The following KPNA6 variants were observed in gnomAD, a reference collection of about 807,000 sequenced individuals.
The protein encoded by KPNA6 is importin subunit alpha-7.
A neutral mutation model predicts 72.0 loss-of-function variants in KPNA6; 9 were observed. That is an observed-to-expected ratio of 0.13 (90% confidence interval 0.08 to 0.22). The LOEUF (loss-of-function observed/expected upper bound fraction) is 0.22. KPNA6 is among the 10% of genes least tolerant of loss of function. KPNA6 has a pLI of 1.00. For synonymous variants in KPNA6, 219 were observed against 242.1 expected, an observed-to-expected ratio of 0.90 and a Z score of 0.89; for missense variants, 374 against 655.7, an observed-to-expected ratio of 0.57 and a Z score of 4.69.
chr1:32,132,234 G>C (rs1474279374), intron 1 of KPNA6, among the ~76,000 whole-genome samples: 1 of 152,124 alleles, frequency 6.6e-6, no homozygotes, highest in Non-Finnish European at 1.5e-5. Flanking sequence ...GCTCCCCAAA[G>C]TGCGGGGATT....
chr1:32,161,549 T>C (rs1246475944), intron 7 of KPNA6, among the ~76,000 whole-genome samples: 1 of 152,226 alleles, frequency 6.6e-6, no homozygotes, highest in Non-Finnish European at 1.5e-5. Context: ...TATTCCATAC[T>C]GTGTGGCTAA....
In KPNA6 at chr1:32,156,977, TG is replaced by T. The variant is rs777186901; in HGVS notation, c.231+34del. The T allele has an allele frequency of 4.7e-6, 7 of 1,498,882 alleles. No individual in the cohort carries two copies. The South Asian group carries it at 8.1e-5, about 17-fold the overall frequency. The allele number at this position is 1,498,882 out of a possible 1,614,324, so 92.8% of individuals were successfully genotyped here. On this transcript the variant is annotated intron_variant, in intron 3 of 13. Coordinates refer to ENST00000373625, the MANE Select transcript of KPNA6 (RefSeq NM_012316.5). ...CCCCTGCATGTGCCTCAGGCTGACCTGGAAAACACCTGCTTCTAAGGACAGA... is the reference window on the plus strand; with the variant it reads ...CCCCTGCATGTGCCTCAGGCTGACCTGAAAACACCTGCTTCTAAGGACAGA...
At chr1:32,118,003 A>C (rs1284492299) in intron 1 of KPNA6, among the ~76,000 whole-genome samples, 1 of 151,280 alleles carries the variant, frequency 6.6e-6, no homozygotes, top group African/African-American at 2.4e-5. Context: ...CGCTCACCGC[A>C]ACCTCTGCCT....
At chr1:32,133,394 A>G (rs1322178466) in intron 1 of KPNA6, among the ~76,000 whole-genome samples, 1 of 151,760 alleles carries the variant, frequency 6.6e-6, no homozygotes, top group African/African-American at 2.4e-5. Context: ...CAAAGTGCTG[A>G]AAGAGGCCAG....
chr1:32,142,255 C>CAAAAA (rs763008502), intron 1 of KPNA6, among the ~76,000 whole-genome samples: 19 of 55,306 alleles, frequency 3.4e-4, no homozygotes, highest in African/African-American at 1.4e-3. Flanking sequence ...GACCCTGTCT[C>CAAAAA]AAAAAAAAAA....
At chr1:32,151,282 C>A (rs967002748) in intron 1 of KPNA6, among the ~76,000 whole-genome samples, 1 of 152,208 alleles carries the variant, frequency 6.6e-6, no homozygotes, top group South Asian at 2.1e-4. Context: ...TAAGCCATAG[C>A]CCTTCTTAGG....
intron 10 of KPNA6, 68 bp from the exon 11 acceptor site, chr1:32,166,030 CAACAACA>C (rs1570073188): frequency 6.8e-7 from 1 of 1,466,056 alleles, no homozygotes; most frequent in East Asian, 2.5e-5. Flanking sequence ...ACAACAACAA[CAACAACA>C]AAAAAACATA....
rs537988928 is a variant in KPNA6, at chr1:32,118,465, GTTAC to G, written c.4+10337_4+10340del. 1.2e-3 allele frequency among the ~76,000 whole-genome samples: 185 copies of G among 151,474 alleles called. 10 individuals are homozygous for G. In the South Asian group the frequency reaches 0.037, roughly 30 times the overall value. On this transcript the variant is annotated intron_variant, in intron 1 of 13. Transcript: ENST00000373625. ...TTCCATGTTATTAGTTTTTTGACCA[GTTAC>G]TTACTCTACATAGCCTCATTTTCTT...
chr1:32,166,021 C>T, intron 10 of KPNA6, 84 bp from the exon 11 acceptor site: 12 of 1,399,860 alleles, frequency 8.6e-6, no homozygotes, highest in Non-Finnish European at 1.1e-5. Flanking sequence ...AAAACAACAA[C>T]AACAACAACA....
In KPNA6 at chr1:32,162,507, A is replaced by T; in HGVS notation, c.894A>T (p.Arg298Ser). 1 of 1,613,814 alleles carries T rather than the reference A, an allele frequency of 6.2e-7. No homozygotes were observed. Among genetic ancestry groups the T allele is most frequent in the Non-Finnish European group, 8.5e-7 (1 of 1,180,006 alleles). The change falls in exon 9 of 14, where the codon AGA (arginine) becomes AGT (serine). Residue 298 changes from arginine (R) to serine (S), a missense_variant. By Grantham distance (110) the Arg-to-Ser change is moderately radical. Transcript: ENST00000373625. ...TCATAGACTCCGGAGTCTGCCGGAG[A>T]TTGGTAGAGCTGCTGATGTGAGTGG... ...QAVIDSGVCR[R>S]LVELLMHNDY...
chr1:32,136,908 G>A (rs111650908), intron 1 of KPNA6, among the ~76,000 whole-genome samples: 1 of 152,178 alleles, frequency 6.6e-6, no homozygotes, highest in Non-Finnish European at 1.5e-5. Context: ...AAAGCCTTAG[G>A]TATTATTCGT....
intron 1 of KPNA6, among the ~76,000 whole-genome samples, chr1:32,109,037 C>T (rs1015686894): frequency 1.3e-5 from 2 of 152,150 alleles, no homozygotes; most frequent in Non-Finnish European, 1.5e-5. Context: ...TTAATTTGTA[C>T]AACCTAAGGA....
Position 32,156,703 on chromosome 1 carries a change from T to C in KPNA6, c.139-150T>C, listed in dbSNP as rs1570056428. ...TAACTAAAATAATAGAAAGCAAAAC[T>C]GAATAAGGGGAGACTAATGTATAAA... On this transcript the variant is annotated intron_variant, in intron 2 of 13. Coordinates refer to ENST00000373625, the MANE Select transcript of KPNA6 (RefSeq NM_012316.5). The C allele has an allele frequency of 1.3e-5, 7 of 552,288 alleles. No homozygotes were observed. In the East Asian group the frequency reaches 1.5e-4, roughly 12 times the overall value. 34.2% of individuals were successfully genotyped at this position (552,288 alleles called of 1,614,324 possible). A position where few individuals can be genotyped will look rare whatever the true frequency, so the allele number is the denominator to read the frequency against.
At chr1:32,166,467 A>C (rs1642339898) in intron 11 of KPNA6, among the ~76,000 whole-genome samples, 1 of 151,568 alleles carries the variant, frequency 6.6e-6, no homozygotes, top group African/African-American at 2.4e-5. Flanking sequence ...TGTACTAAAA[A>C]TACAAAAATT....
intron 10 of KPNA6, among the ~76,000 whole-genome samples, chr1:32,163,837 T>G (rs372163783): frequency 4.6e-5 from 7 of 152,212 alleles, no homozygotes; most frequent in Non-Finnish European, 1.0e-4. Flanking sequence ...ACAGGTTTCT[T>G]AACAGGTGAG....
At chr1:32,114,451 A>ATATATATAT (rs1553125090) in intron 1 of KPNA6, among the ~76,000 whole-genome samples, 49 of 145,554 alleles carry the variant, frequency 3.4e-4, no homozygotes, top group African/African-American at 1.2e-3. Context: ...CAAAAAAAAA[A>ATATATATAT]ATATATATAT....
rs529986006 is a variant in KPNA6, at chr1:32,163,331, G to T, written c.990+18G>T. ...AGACCCAGGTAAGAAAGAGGAGGGT[G>T]CAGGATCTTAGACCAGCTATGGAAG... is the stretch of plus-strand genomic sequence containing the variant. On this transcript the variant is annotated intron_variant, in intron 10 of 13. Coordinates refer to ENST00000373625, the MANE Select transcript of KPNA6 (RefSeq NM_012316.5). 5.7e-6 allele frequency: 9 copies of T among 1,586,026 alleles called. No individual in the cohort carries two copies. In the African/African-American group the frequency reaches 9.4e-5, roughly 17 times the overall value.
At chr1:32,128,005 G>A (rs920736342) in intron 1 of KPNA6, among the ~76,000 whole-genome samples, 5 of 152,018 alleles carry the variant, frequency 3.3e-5, no homozygotes, top group Admixed American at 3.3e-4. Flanking sequence ...CAAGTGCTTA[G>A]GAGCTATTCA....
At chr1:32,123,147 G>T (rs1284971753) in intron 1 of KPNA6, among the ~76,000 whole-genome samples, 3 of 152,084 alleles carry the variant, frequency 2.0e-5, no homozygotes, top group Non-Finnish European at 2.9e-5. Flanking sequence ...GATGTGATTG[G>T]ATGTGGGGTG....
Sources: gnomAD v4.1 joint callset for allele counts (sites outside exome capture counted in the v4.1 genomes callset) on GRCh38, gnomAD v4.1.1 for gene constraint, MANE v1.5 for transcripts, NCBI Gene and HGNC (gene_info 2026-07-23, HGNC 2026-07-21) for gene names.